CAPSL: variants seen among roughly 807,000 people sequenced by gnomAD.
The protein encoded by CAPSL is calcyphosine like.
A neutral mutation model predicts 21.3 loss-of-function variants in CAPSL; 17 were observed. The ratio of observed to expected loss-of-function variants is 0.80; its 90% CI spans 0.55 to 1.20. The LOEUF is 1.20. Ranked by LOEUF, CAPSL falls within the 50% of genes most tolerant of loss-of-function variation. The pLI is 0.00. For synonymous variants in CAPSL, 102 were observed against 89.3 expected, an observed-to-expected ratio of 1.14 and a Z score of -0.80; for missense variants, 289 against 259.3, an observed-to-expected ratio of 1.11 and a Z score of -0.79.
At chr5:35,934,768 C>T (rs1312453622) in intron 1 of CAPSL, among the ~76,000 whole-genome samples, 1 of 152,190 alleles carries the variant, frequency 6.6e-6, no homozygotes, top group Non-Finnish European at 1.5e-5. Context: ...CTGGGTGTCT[C>T]ATTATGCTTT....
chr5:35,911,405 A>C (rs1738220349), intron 2 of CAPSL, among the ~76,000 whole-genome samples: 1 of 152,268 alleles, frequency 6.6e-6, no homozygotes, highest in Non-Finnish European at 1.5e-5. Flanking sequence ...TCCTTGGTAT[A>C]ATGTGATAAA....
chr5:35,930,125 G>A (rs911958298), intron 1 of CAPSL, among the ~76,000 whole-genome samples: 3 of 151,910 alleles, frequency 2.0e-5, no homozygotes, highest in African/African-American at 7.3e-5. Context: ...AAAGTATGAC[G>A]GCATTTCATC....
chr5:35,923,787 G>C (rs1453342372), intron 1 of CAPSL, among the ~76,000 whole-genome samples: 1 of 152,204 alleles, frequency 6.6e-6, no homozygotes, highest in Non-Finnish European at 1.5e-5. Flanking sequence ...TGAATGTAAA[G>C]TTTCCTTCAG....
At chr5:35,908,504 G>C (rs562902557) in intron 4 of CAPSL, among the ~76,000 whole-genome samples, 1 of 152,300 alleles carries the variant, frequency 6.6e-6, no homozygotes, top group Admixed American at 6.5e-5. Flanking sequence ...TAGAGAAAAG[G>C]GTAGCTGAGG....
intron 1 of CAPSL, among the ~76,000 whole-genome samples, chr5:35,938,012 G>C (rs545712917): frequency 3.4e-4 from 52 of 152,282 alleles, no homozygotes; most frequent in Admixed American, 5.9e-4. Flanking sequence ...TTTTGAACAA[G>C]CCATGTATGT....
intron 2 of CAPSL, among the ~76,000 whole-genome samples, chr5:35,914,567 T>G (rs528326622): frequency 1.1e-3 from 159 of 149,734 alleles, no homozygotes; most frequent in African/African-American, 3.8e-3. Flanking sequence ...ACTCAAAACC[T>G]CTCAACTACA....
rs754098152 is a variant in CAPSL at position 35,919,170 on chromosome 5, A to AAAAAAAAATAT, written c.137+1813_137+1814insATATTTTTTTT. Among the ~76,000 whole-genome samples, 76 of 121,268 alleles carry AAAAAAAAATAT rather than the reference A, an allele frequency of 6.3e-4. 2 individuals carry two copies. The South Asian group carries it at 0.015, about 24-fold the overall frequency. The allele number at this position is 121,268 out of a possible 152,430, so 79.6% of individuals were successfully genotyped here. A position where few individuals can be genotyped will look rare whatever the true frequency, so the allele number is the denominator to read the frequency against. On this transcript the variant is annotated intron_variant, in intron 2 of 4. Coordinates refer to ENST00000651391, the MANE Select transcript of CAPSL (RefSeq NM_001042625.2). ...AGTATCTTTCCTGATTAAAAAAAAA[A>AAAAAAAAATAT]ATATATATATATATATATATAAAAA...
intron 1 of CAPSL, among the ~76,000 whole-genome samples, chr5:35,927,492 G>A (rs564319267): frequency 6.6e-6 from 1 of 152,306 alleles, no homozygotes; most frequent in Admixed American, 6.5e-5. Flanking sequence ...AGCTGTTGAT[G>A]AGGCTTGTAG....
chr5:35,925,526 C>A (rs750732804), intron 1 of CAPSL, among the ~76,000 whole-genome samples: 97 of 151,876 alleles, frequency 6.4e-4, no homozygotes, highest in Non-Finnish European at 1.0e-3. Flanking sequence ...AGTGAAGATT[C>A]GGAGGAAGTA....
chr5:35,925,861 G>A (rs1197744347), intron 1 of CAPSL, among the ~76,000 whole-genome samples: 2 of 152,136 alleles, frequency 1.3e-5, no homozygotes, highest in Non-Finnish European at 2.9e-5. Flanking sequence ...CGGATCACCT[G>A]AGGTCAGGAG....
chr5:35,930,986 G>A (rs1440421051), intron 1 of CAPSL, among the ~76,000 whole-genome samples: 1 of 152,154 alleles, frequency 6.6e-6, no homozygotes, highest in Non-Finnish European at 1.5e-5. Flanking sequence ...TGAGGGAAGG[G>A]CCAAGGGAAT....
chr5:35,922,347 G>A (rs535538515), intron 1 of CAPSL, among the ~76,000 whole-genome samples: 1 of 152,280 alleles, frequency 6.6e-6, no homozygotes, highest in Admixed American at 6.5e-5. Context: ...ATTCAGGGAT[G>A]CATACACTTA....
At chr5:35,911,083 C>T (rs577441611) in intron 2 of CAPSL, among the ~76,000 whole-genome samples, 2 of 152,106 alleles carry the variant, frequency 1.3e-5, no homozygotes, top group African/African-American at 4.8e-5. Flanking sequence ...GATTATAACC[C>T]AAAATATAAA....
chr5:35,919,170 A>ATTATATATATATAAAT (rs1554069748), intron 2 of CAPSL, among the ~76,000 whole-genome samples: 1 of 121,274 alleles, frequency 8.2e-6, no homozygotes, highest in African/African-American at 3.0e-5. Flanking sequence ...TAAAAAAAAA[A>ATTATATATATATAAAT]ATATATATAT....
chr5:35,911,173 G>A (rs1561436419), intron 2 of CAPSL, among the ~76,000 whole-genome samples: 1 of 152,184 alleles, frequency 6.6e-6, no homozygotes, highest in Non-Finnish European at 1.5e-5. Context: ...TTCTCTTGCA[G>A]AAAAATTCCA....
At chr5:35,915,612 C>T (rs1158102439) in intron 2 of CAPSL, among the ~76,000 whole-genome samples, 2 of 152,156 alleles carry the variant, frequency 1.3e-5, no homozygotes, top group Non-Finnish European at 2.9e-5. Flanking sequence ...ACAAAAACCA[C>T]ATGATTATCT....
chr5:35,935,760 C>T (rs1738930136), intron 1 of CAPSL, among the ~76,000 whole-genome samples: 1 of 152,174 alleles, frequency 6.6e-6, no homozygotes, highest in Non-Finnish European at 1.5e-5. Flanking sequence ...TTACCTACCT[C>T]ATTCTCCCTT....
At chr5:35,931,554 C>T (rs1738825260) in intron 1 of CAPSL, among the ~76,000 whole-genome samples, 1 of 152,080 alleles carries the variant, frequency 6.6e-6, no homozygotes, top group Non-Finnish European at 1.5e-5. Flanking sequence ...ATAGCTCTCT[C>T]CTTGCTGTCT....
At chr5:35,935,523 C>G (rs2149935717) in intron 1 of CAPSL, among the ~76,000 whole-genome samples, 1 of 152,012 alleles carries the variant, frequency 6.6e-6, no homozygotes, top group South Asian at 2.1e-4. Context: ...TTAGTAGAGA[C>G]AGGATCTTGC....
Sources: allele counts gnomAD v4.1 joint callset (sites outside exome capture counted in the v4.1 genomes callset), GRCh38; gene constraint gnomAD v4.1.1; transcripts MANE v1.5; gene names NCBI Gene and HGNC (gene_info 2026-07-23, HGNC 2026-07-21).